The following MYO10 variants were observed in gnomAD, a reference collection of about 807,000 sequenced individuals.
MYO10 encodes the protein unconventional myosin-X.
Under a neutral mutation model 257.3 loss-of-function variants are expected in MYO10, and 133 were observed. The ratio of observed to expected loss-of-function variants is 0.52; its 90% CI spans 0.45 to 0.60. MYO10 has a LOEUF of 0.60. MYO10 is among the 20% of genes least tolerant of loss of function. MYO10 has a pLI of 0.00. For missense variants in MYO10, 2,399 were observed against 2,635.7 expected (o/e 0.91, Z 1.97); for synonymous variants, 1,104 against 1,028.6 (o/e 1.07, Z -1.40).
intron 28 of MYO10, among the ~76,000 whole-genome samples, chr5:16,686,284 G>A (rs149682052): frequency 1.3e-5 from 2 of 152,258 alleles, no homozygotes; most frequent in East Asian, 1.9e-4. Context: ...AATATAGGTT[G>A]AGCATCCATA....
intron 1 of MYO10, among the ~76,000 whole-genome samples, chr5:16,929,313 G>A (rs1430948520): frequency 6.6e-6 from 1 of 152,140 alleles, no homozygotes; most frequent in Non-Finnish European, 1.5e-5. Flanking sequence ...AACATTTCTA[G>A]GGTGTGGACT....
At chr5:16,912,438 G>A (rs1281025546) in intron 1 of MYO10, among the ~76,000 whole-genome samples, 2 of 152,028 alleles carry the variant, frequency 1.3e-5, no homozygotes, top group Non-Finnish European at 2.9e-5. Context: ...CCTTACCTGA[G>A]GCCCCATATT....
chr5:16,848,155 CTTTT>C (rs371042891), intron 2 of MYO10, among the ~76,000 whole-genome samples: 5 of 113,586 alleles, frequency 4.4e-5, no homozygotes, highest in African/African-American at 3.7e-5. Context: ...CTACACATTT[CTTTT>C]TTTTTTTTTT....
intron 3 of MYO10, among the ~76,000 whole-genome samples, chr5:16,797,294 A>G (rs1016850839): frequency 1.2e-4 from 18 of 152,208 alleles, no homozygotes; most frequent in African/African-American, 4.1e-4. Context: ...ACTGGTAAGT[A>G]TAATGCAGAT....
intron 21 of MYO10, among the ~76,000 whole-genome samples, chr5:16,708,450 T>A (rs1364346263): frequency 6.6e-6 from 1 of 152,212 alleles, no homozygotes; most frequent in African/African-American, 2.4e-5. Context: ...TAAGTGAAGC[T>A]GGATTAGTAC....
chr5:16,837,586 T>C (rs1743352153), intron 2 of MYO10, among the ~76,000 whole-genome samples: 1 of 152,102 alleles, frequency 6.6e-6, no homozygotes, highest in African/African-American at 2.4e-5. Context: ...ACTAAAGAAG[T>C]TGCTGAATGG....
intron 2 of MYO10, among the ~76,000 whole-genome samples, chr5:16,832,356 C>A (rs923410836): frequency 6.6e-6 from 1 of 152,134 alleles, no homozygotes; most frequent in African/African-American, 2.4e-5. Flanking sequence ...GTGAATGTAT[C>A]TGGATAAATA....
chr5:16,711,562 T>A (rs1249115202), intron 19 of MYO10, among the ~76,000 whole-genome samples: 1 of 152,118 alleles, frequency 6.6e-6, no homozygotes, highest in Admixed American at 6.5e-5. Context: ...GGCGGGTGGA[T>A]CACAAGGTCA....
rs33919452 is a variant in MYO10 at position 16,679,524 on chromosome 5, G to GTTTTTTTTTTTTTT, written c.4542+409_4542+422dup. 2.9e-4 allele frequency among the ~76,000 whole-genome samples: 35 copies of GTTTTTTTTTTTTTT among 122,650 alleles called. 1 individual carries two copies. Among genetic ancestry groups the GTTTTTTTTTTTTTT allele is most frequent in the African/African-American group, 1.0e-3 (32 of 31,084 alleles). 80.5% of individuals were successfully genotyped at this position (122,650 alleles called of 152,430 possible). ...TTAACCAAGCGCTAGTTTTTTGGGTGTTTTTTTTTTTTTTTTTTGAGACGA... is the reference window on the plus strand; with the variant it reads ...TTAACCAAGCGCTAGTTTTTTGGGTGTTTTTTTTTTTTTTTTTTTTTTTTTTTTTTTTGAGACGA... On this transcript the variant is annotated intron_variant, in intron 33 of 40. Coordinates refer to ENST00000513610, the MANE Select transcript of MYO10 (RefSeq NM_012334.3).
At chr5:16,832,623 T>G (rs1326559984) in intron 2 of MYO10, among the ~76,000 whole-genome samples, 6 of 152,146 alleles carry the variant, frequency 3.9e-5, no homozygotes, top group Non-Finnish European at 8.8e-5. Context: ...GGCCCTTTAC[T>G]CCTGACCTCA....
At chr5:16,863,791 G>C (rs1410791255) in intron 2 of MYO10, among the ~76,000 whole-genome samples, 1 of 152,160 alleles carries the variant, frequency 6.6e-6, no homozygotes, top group East Asian at 1.9e-4. Context: ...CACACTACCA[G>C]AGTAGAAACA....
chr5:16,689,990 A>G, intron 27 of MYO10, 71 bp from the exon 28 acceptor site: 2 of 1,085,390 alleles, frequency 1.8e-6, no homozygotes, highest in Non-Finnish European at 2.8e-6. Flanking sequence ...AAAGCAACTA[A>G]TGAAGCCAAT....
chr5:16,865,405 T>C (rs1431970170), intron 2 of MYO10, among the ~76,000 whole-genome samples: 3 of 152,196 alleles, frequency 2.0e-5, no homozygotes, highest in Non-Finnish European at 4.4e-5. Flanking sequence ...TCCTAGAATC[T>C]GGGGCTGAGT....
chr5:16,771,644 A>G (rs998847923), intron 9 of MYO10, among the ~76,000 whole-genome samples: 1 of 150,568 alleles, frequency 6.6e-6, no homozygotes, highest in African/African-American at 2.4e-5. Context: ...CAGTGGTGTG[A>G]TCAAGGCTCA....
intron 19 of MYO10, among the ~76,000 whole-genome samples, chr5:16,743,954 T>A (rs1232445726): frequency 6.6e-6 from 1 of 152,192 alleles, no homozygotes; most frequent in Non-Finnish European, 1.5e-5. Flanking sequence ...GGGGGCAGTG[T>A]GGAAACAGTC....
intron 1 of MYO10, among the ~76,000 whole-genome samples, chr5:16,897,500 C>T (rs1745250070): frequency 6.6e-6 from 1 of 152,162 alleles, no homozygotes; most frequent in Non-Finnish European, 1.5e-5. Flanking sequence ...CATACCTTGG[C>T]TTTTCAAAGG....
Position 16,844,731 on chromosome 5 carries a change from A to G in MYO10, c.121-26564T>C, listed in dbSNP as rs1489768966. ...ATAGAATTAGCTGAAAGTTACAGCA[A>G]TATTAAAAACAAATACCATTGTAGA... On this transcript the variant is annotated intron_variant, in intron 2 of 40. Transcript: ENST00000513610. Among the ~76,000 whole-genome samples the G allele has an allele frequency of 2.0e-5, 3 of 151,780 alleles. No homozygotes were observed. In the East Asian group the frequency reaches 5.8e-4, roughly 29 times the overall value.
intron 1 of MYO10, among the ~76,000 whole-genome samples, chr5:16,926,513 C>T (rs2454879): frequency 0.45 from 68,357 of 151,798 alleles, 15,729 homozygotes; most frequent in African/African-American, 0.53. Flanking sequence ...ATCAGCCTGG[C>T]CAACATGATG....
chr5:16,898,202 G>A (rs1745267017), intron 1 of MYO10, among the ~76,000 whole-genome samples: 2 of 151,818 alleles, frequency 1.3e-5, no homozygotes, highest in South Asian at 4.1e-4. Context: ...AGAGTTGCTG[G>A]GCAGAAATAA....
Sources: allele counts gnomAD v4.1 joint callset (sites outside exome capture counted in the v4.1 genomes callset), GRCh38; gene constraint gnomAD v4.1.1; transcripts MANE v1.5; gene names NCBI Gene and HGNC (gene_info 2026-07-23, HGNC 2026-07-21).